Variants in DAAM1 observed in about 807,000 individuals in gnomAD.
DAAM1 encodes disheveled-associated activator of morphogenesis 1.
Under a neutral mutation model 130.0 loss-of-function variants are expected in DAAM1, and 52 were observed. The observed-to-expected ratio is 0.40, with a 90% CI of 0.32 to 0.50. The LOEUF (loss-of-function observed/expected upper bound fraction) is 0.50, where lower values mean the gene tolerates loss of function less well. Among genes scored for constraint, DAAM1 ranks in the 20% least tolerant of loss-of-function variants. DAAM1 has a pLI of 0.61. For missense variants in DAAM1, 1,134 were observed against 1,303.8 expected (o/e 0.87, Z 2.01); for synonymous variants, 452 against 444.5 (o/e 1.02, Z -0.21).
chr14:59,343,569 G>A (rs896788300), intron 16 of DAAM1, among the ~76,000 whole-genome samples: 4 of 152,206 alleles, frequency 2.6e-5, no homozygotes, highest in Non-Finnish European at 4.4e-5. Context: ...GTTCACCACA[G>A]TGAAAGCCTG....
intron 4 of DAAM1, 113 bp from the exon 5 acceptor site, chr14:59,320,377 G>C: frequency 3.7e-6 from 3 of 815,626 alleles, no homozygotes; most frequent in Non-Finnish European, 5.6e-6. Flanking sequence ...CTTAATCATA[G>C]ATTTGTTGTT....
intron 1 of DAAM1, among the ~76,000 whole-genome samples, chr14:59,230,434 AT>A (rs947599116): frequency 6.6e-6 from 1 of 152,172 alleles, no homozygotes; most frequent in African/African-American, 2.4e-5. Context: ...TACTTAAAAA[AT>A]ATAACAGATA....
At chr14:59,211,821 T>A (rs1043447797) in intron 1 of DAAM1, among the ~76,000 whole-genome samples, 1 of 152,230 alleles carries the variant, frequency 6.6e-6, no homozygotes. Flanking sequence ...TAACACAGAA[T>A]AATGATTTTA....
chr14:59,247,233 A>G (rs1881425590), intron 1 of DAAM1, among the ~76,000 whole-genome samples: 1 of 152,038 alleles, frequency 6.6e-6, no homozygotes, highest in Non-Finnish European at 1.5e-5. Context: ...TCTCTGTTCT[A>G]TTCCATTGGT....
chr14:59,365,472 A>G (rs1262601328), intron 23 of DAAM1, among the ~76,000 whole-genome samples: 1 of 61,216 alleles, frequency 1.6e-5, no homozygotes, highest in Non-Finnish European at 3.1e-5. Flanking sequence ...TTTCTAATAG[A>G]ATATTTCCAA....
rs905170726 is a variant in DAAM1 at position 59,347,718 on chromosome 14, T to C, written c.2160+95T>C. ...CATCCGGTTGTTGCTAGTGGATCAT[T>C]TCCTCATCTATGAATTGAGGAGGCT... On this transcript the variant is annotated intron_variant, in intron 17 of 24. Transcript: ENST00000360909. The C allele has an allele frequency of 3.3e-6, 4 of 1,205,390 alleles. No individual in the cohort carries two copies. The African/African-American group carries it at 6.1e-5, about 18-fold the overall frequency. 74.7% of individuals were successfully genotyped at this position (1,205,390 alleles called of 1,614,324 possible). A position where few individuals can be genotyped will look rare whatever the true frequency, so the allele number is the denominator to read the frequency against.
In DAAM1 at chr14:59,263,645, G is replaced by A. The variant is rs1882288739; in HGVS notation, c.168G>A (p.Met56Ile). The change falls in exon 2 of 25, where the codon ATG becomes ATA. Residue 56 changes from methionine to isoleucine, a missense_variant. Transcript: ENST00000360909. Reference protein sequence around the residue: ...PMPPVEELDVMFSELVDELDL... With the variant: ...PMPPVEELDVIFSELVDELDL... ...CCCCTGTGGAGGAGCTGGATGTCAT[G>A]TTCAGTGAACTGGTGGTGAGTCCCA... The A allele has an allele frequency of 1.9e-6, 3 of 1,614,102 alleles. No individual in the cohort carries two copies. Among genetic ancestry groups the A allele is most frequent in the African/African-American group, 1.3e-5 (1 of 74,934 alleles).
intron 1 of DAAM1, among the ~76,000 whole-genome samples, chr14:59,190,676 G>A (rs927147229): frequency 3.9e-5 from 6 of 152,178 alleles, no homozygotes; most frequent in African/African-American, 1.4e-4. Context: ...TCCACGTTGG[G>A]ATTAACCCTT....
intron 1 of DAAM1, among the ~76,000 whole-genome samples, chr14:59,215,380 G>C (rs1021736282): frequency 2.0e-5 from 3 of 152,208 alleles, no homozygotes; most frequent in Non-Finnish European, 4.4e-5. Context: ...TGATTCTCTT[G>C]GTGCTTCTGC....
chr14:59,268,868 T>G (rs558887644), intron 2 of DAAM1, among the ~76,000 whole-genome samples: 1 of 152,300 alleles, frequency 6.6e-6, no homozygotes, highest in African/African-American at 2.4e-5. Flanking sequence ...TGAAATAAGA[T>G]TCAGTAATAT....
At chr14:59,330,339 T>C (rs1165056280) in intron 12 of DAAM1, among the ~76,000 whole-genome samples, 162 bp from the exon 13 acceptor site, 1 of 152,172 alleles carries the variant, frequency 6.6e-6, no homozygotes, top group African/African-American at 2.4e-5. Context: ...ACAAACATCA[T>C]TTAGCCTTTG....
chr14:59,293,236 A>G (rs1010861152), intron 3 of DAAM1, among the ~76,000 whole-genome samples: 1 of 152,200 alleles, frequency 6.6e-6, no homozygotes, highest in African/African-American at 2.4e-5. Context: ...CTGAAGGGAA[A>G]GTTTTCTTCT....
At chr14:59,275,443 A>G (rs1882923490) in intron 2 of DAAM1, among the ~76,000 whole-genome samples, 1 of 152,208 alleles carries the variant, frequency 6.6e-6, no homozygotes, top group South Asian at 2.1e-4. Context: ...AGTTAAAAAA[A>G]AAATTTATCT....
rs538359458 is a variant in DAAM1, at chr14:59,349,909, G to A, written c.2160+2286G>A. Among the ~76,000 whole-genome samples, 46 of 152,260 alleles carry A rather than the reference G, an allele frequency of 3.0e-4. No individual in the cohort carries two copies. The South Asian group carries it at 5.2e-3, about 17-fold the overall frequency. ...CAGGGGACAAGTGGGCTCAGCACAA[G>A]TTTGCAGGGAGAGAGGGGACTGAGC... is the stretch of plus-strand genomic sequence containing the variant. On this transcript the variant is annotated intron_variant, in intron 17 of 24. Coordinates refer to ENST00000360909, the MANE Select transcript of DAAM1 (RefSeq NM_001270520.2).
In DAAM1 at chr14:59,194,390, G is replaced by T. The variant is rs370636473; in HGVS notation, c.-38+5622G>T. 2.7e-4 allele frequency among the ~76,000 whole-genome samples: 41 copies of T among 152,212 alleles called. 1 individual carries two copies. Among genetic ancestry groups the T allele is most frequent in the Non-Finnish European group, 4.0e-4 (27 of 68,036 alleles). ...TAAAACTTTGGAGCTCTCCTTTGCT[G>T]TATGAACGATAGACAAATTATTTGA... On this transcript the variant is annotated intron_variant, in intron 1 of 24. Transcript: ENST00000360909.
intron 2 of DAAM1, among the ~76,000 whole-genome samples, chr14:59,275,869 C>T (rs1337735923): frequency 6.6e-6 from 1 of 152,160 alleles, no homozygotes; most frequent in Non-Finnish European, 1.5e-5. Context: ...GAGAATATTA[C>T]TGTGTAGGTG....
At chr14:59,344,468 A>G (rs1288131165) in intron 16 of DAAM1, among the ~76,000 whole-genome samples, 1 of 152,234 alleles carries the variant, frequency 6.6e-6, no homozygotes, top group East Asian at 1.9e-4. Flanking sequence ...TTTAAAAGCA[A>G]TTAATTACAG....
At chr14:59,218,853 A>C (rs1319647472) in intron 1 of DAAM1, among the ~76,000 whole-genome samples, 1 of 152,176 alleles carries the variant, frequency 6.6e-6, no homozygotes, top group Non-Finnish European at 1.5e-5. Flanking sequence ...TAAATACAAG[A>C]ATGGAGCACA....
chr14:59,284,744 G>A (rs1883367322), intron 2 of DAAM1, among the ~76,000 whole-genome samples: 1 of 152,022 alleles, frequency 6.6e-6, no homozygotes. Context: ...CCATTCCTTT[G>A]AAGTAACACA....
Sources: allele counts gnomAD v4.1 joint callset (sites outside exome capture counted in the v4.1 genomes callset), GRCh38; gene constraint gnomAD v4.1.1; transcripts MANE v1.5; gene names NCBI Gene and HGNC (gene_info 2026-07-23, HGNC 2026-07-21).